Variants in PCDHA5 observed in about 807,000 individuals in gnomAD.
The protein encoded by PCDHA5 is protocadherin alpha-5.
In PCDHA5, 43 loss-of-function variants were observed where a neutral mutation model predicts 61.6. The observed-to-expected ratio is 0.70, with a 90% CI of 0.55 to 0.90. PCDHA5 has a LOEUF of 0.90. Among genes scored for constraint, PCDHA5 ranks in the 40% least tolerant of loss-of-function variants. The pLI is 0.00. For synonymous variants in PCDHA5, 627 were observed against 543.9 expected (o/e 1.15, Z -2.13); for missense variants, 1,298 against 1,222.7 (o/e 1.06, Z -0.92).
chr5:140,945,654 AT>A (rs1230046600), intron 1 of PCDHA5, among the ~76,000 whole-genome samples: 5 of 152,294 alleles, frequency 3.3e-5, no homozygotes, highest in Admixed American at 3.3e-4. Flanking sequence ...ATGGAGCAGA[AT>A]ACAGCTCCCA....
intron 1 of PCDHA5, among the ~76,000 whole-genome samples, chr5:140,936,248 G>A (rs2090860399): frequency 6.6e-6 from 1 of 152,086 alleles, no homozygotes; most frequent in Admixed American, 6.5e-5. Context: ...AACATATCCT[G>A]CTTCAAGTCA....
chr5:140,900,907 T>C (rs1156878452), intron 1 of PCDHA5, among the ~76,000 whole-genome samples: 1 of 152,190 alleles, frequency 6.6e-6, no homozygotes, highest in African/African-American at 2.4e-5. Context: ...ATTTTAACTG[T>C]GGTAAGATGA....
chr5:140,961,027 C>G (rs1222428259), intron 1 of PCDHA5, among the ~76,000 whole-genome samples: 1 of 152,164 alleles, frequency 6.6e-6, no homozygotes, highest in Non-Finnish European at 1.5e-5. Flanking sequence ...CTTGCTACCT[C>G]CTTGTTTTGA....
rs1781057747 is a variant in PCDHA5 at position 140,847,527 on chromosome 5, G to T, written c.2352+23400G>T. On this transcript the variant is annotated intron_variant, in intron 1 of 3. Transcript: ENST00000529859. ...ACTTTGTAGAACTTAGTCAGGAAAA[G>T]AATCTCAAGCATAGCTTTAAAAACA... 2.0e-5 allele frequency: 3 copies of T among 149,526 alleles called. No homozygotes were observed. In the Admixed American group the frequency reaches 2.0e-4, roughly 10 times the overall value. The allele number at this position is 149,526 out of a possible 1,614,324, so 9.3% of individuals were successfully genotyped here.
In PCDHA5 at chr5:141,011,512, G is replaced by A. The variant is rs561564688; in HGVS notation, c.*1575G>A. On this transcript the variant is annotated 3_prime_UTR_variant, in exon 4 of 4. Coordinates refer to ENST00000529859, the MANE Select transcript of PCDHA5 (RefSeq NM_018908.3). ...TGTACACCTGTGAAAAAGTGGAGTAGTGTTTTTTTAACCATTGTTAATCAG... is the reference window on the plus strand; with the variant it reads ...TGTACACCTGTGAAAAAGTGGAGTAATGTTTTTTTAACCATTGTTAATCAG... 9 of 153,844 alleles carry A rather than the reference G, an allele frequency of 5.9e-5. No homozygotes were observed. Among genetic ancestry groups the A allele is most frequent in the African/African-American group, 2.2e-4 (9 of 41,570 alleles). 9.5% of individuals were successfully genotyped at this position (153,844 alleles called of 1,614,324 possible).
chr5:140,842,759 C>A (rs2150343672), intron 1 of PCDHA5: 1 of 1,594,806 alleles, frequency 6.3e-7, no homozygotes, highest in East Asian at 2.2e-5. Flanking sequence ...GGTGTCTGCG[C>A]GAGACGCGGA....
chr5:140,942,713 T>C (rs2093359728), intron 1 of PCDHA5, among the ~76,000 whole-genome samples: 2 of 152,208 alleles, frequency 1.3e-5, no homozygotes, highest in Non-Finnish European at 1.5e-5. Flanking sequence ...AGTAAAAGTA[T>C]GAAATTTTGT....
chr5:140,824,847 A>T (rs1768370968), intron 1 of PCDHA5: 1 of 152,042 alleles, frequency 6.6e-6, no homozygotes, highest in African/African-American at 2.4e-5. Flanking sequence ...ACACTAATTT[A>T]GTTTGTTTTC....
intron 1 of PCDHA5, chr5:140,967,642 C>T (rs1554229731): frequency 1.2e-6 from 2 of 1,614,164 alleles, no homozygotes. Flanking sequence ...ATGGTGAGCT[C>T]AGGTACTCCT....
chr5:140,888,513 A>C (rs1208227299), intron 1 of PCDHA5, among the ~76,000 whole-genome samples: 5 of 152,216 alleles, frequency 3.3e-5, no homozygotes, highest in African/African-American at 4.8e-5. Context: ...TCTTGGACTT[A>C]GTTCTGACGT....
In PCDHA5 at chr5:140,858,669, A is replaced by G; in HGVS notation, c.2352+34542A>G. The G allele has an allele frequency of 4.4e-6, 3 of 676,742 alleles. 1 individual carries two copies. Among genetic ancestry groups the G allele is most frequent in the Non-Finnish European group, 7.2e-6 (3 of 415,418 alleles). 41.9% of individuals were successfully genotyped at this position (676,742 alleles called of 1,614,324 possible). On this transcript the variant is annotated intron_variant, in intron 1 of 3. Coordinates refer to ENST00000529859, the MANE Select transcript of PCDHA5 (RefSeq NM_018908.3). ...CTTAAATTTTTTTAAATAACAATTT[A>G]TTCTGAATACACTAATATTTTCCAA...
At chr5:140,937,821 A>G (rs1270019197) in intron 1 of PCDHA5, among the ~76,000 whole-genome samples, 2 of 151,608 alleles carry the variant, frequency 1.3e-5, no homozygotes, top group Non-Finnish European at 2.9e-5. Flanking sequence ...CTGAGGCAGG[A>G]GAATGGCATG....
chr5:140,905,826 T>C (rs782149349), intron 1 of PCDHA5, among the ~76,000 whole-genome samples: 8 of 152,170 alleles, frequency 5.3e-5, no homozygotes, highest in Non-Finnish European at 7.3e-5. Flanking sequence ...TAGATGTGTA[T>C]ATAAAGGGGA....
chr5:140,894,790 T>G lies in PCDHA5; in HGVS notation c.2352+70663T>G, dbSNP rs943284227. On this transcript the variant is annotated intron_variant, in intron 1 of 3. Coordinates refer to ENST00000529859, the MANE Select transcript of PCDHA5 (RefSeq NM_018908.3). ...TCCTTTAGTGTAATTATTTGTCCTC[T>G]CCTTTAAAAATAATTTTATATCAGA... Among the ~76,000 whole-genome samples, 13 of 152,282 alleles carry G rather than the reference T, an allele frequency of 8.5e-5. No individual in the cohort carries two copies. The South Asian group carries it at 2.5e-3, about 29-fold the overall frequency.
At chr5:140,913,317 TTGTA>T (rs1269286947) in intron 1 of PCDHA5, among the ~76,000 whole-genome samples, 2 of 152,152 alleles carry the variant, frequency 1.3e-5, no homozygotes, top group African/African-American at 4.8e-5. Flanking sequence ...CCTTGGTAAG[TTGTA>T]TGTGTCTAGG....
At chr5:140,947,153 C>T (rs1306730368) in intron 1 of PCDHA5, among the ~76,000 whole-genome samples, 4 of 150,836 alleles carry the variant, frequency 2.7e-5, no homozygotes, top group African/African-American at 4.9e-5. Context: ...GTTACTTCCA[C>T]GGGGTAGAAA....
chr5:140,979,144 T>C, intron 2 of PCDHA5, 137 bp downstream of exon 2: 1 of 1,448,584 alleles, frequency 6.9e-7, no homozygotes. Flanking sequence ...GCAATTATTT[T>C]GTCCCCATGT....
intron 1 of PCDHA5, among the ~76,000 whole-genome samples, chr5:140,910,901 C>T (rs1433262630): frequency 6.6e-6 from 1 of 152,142 alleles, no homozygotes; most frequent in African/African-American, 2.4e-5. Context: ...CTATGCCTGT[C>T]CTCCAGATTT....
At chr5:140,853,209 A>G (rs1399552448) in intron 1 of PCDHA5, 10 of 983,300 alleles carry the variant, frequency 1.0e-5, no homozygotes, top group Non-Finnish European at 1.1e-5. Context: ...TGACGGCTGT[A>G]TTGATGGGAT....
Sources: allele counts gnomAD v4.1 joint callset (sites outside exome capture counted in the v4.1 genomes callset), GRCh38; gene constraint gnomAD v4.1.1; transcripts MANE v1.5; gene names NCBI Gene and HGNC (gene_info 2026-07-23, HGNC 2026-07-21).